SCN4A: variants seen among roughly 807,000 people sequenced by gnomAD.
SCN4A encodes sodium channel protein type 4 subunit alpha.
In SCN4A, 83 loss-of-function variants were observed where a neutral mutation model predicts 162.0. The observed-to-expected ratio is 0.51, with a 90% confidence interval of 0.43 to 0.61. The LOEUF (loss-of-function observed/expected upper bound fraction) is 0.61. Ranked by LOEUF, SCN4A falls within the 20% of genes least tolerant of loss-of-function variation. The pLI is 0.00. For synonymous variants in SCN4A, 944 were observed against 985.1 expected (o/e 0.96, Z 0.78); for missense variants, 2,196 against 2,462.5 (o/e 0.89, Z 2.29).
Position 63,968,242 on chromosome 17 carries a change from T to C in SCN4A, c.817A>G (p.Met273Val). Residue 273 changes from methionine to valine, a missense_variant, in exon 6 of 24, where the codon ATG becomes GTG. Transcript: ENST00000435607. Reference sequence around the variant, plus strand: ...ACACACTTCTGCCTCAGGTTTCCCATGAAGAGCTGCAGTCCTACCAGCGCA... The same window carrying C: ...ACACACTTCTGCCTCAGGTTTCCCACGAAGAGCTGCAGTCCTACCAGCGCA... The part of the protein sequence containing the change: ...VFALVGLQLF[M>V]GNLRQKCVRW... 1 of 1,614,096 alleles carries C rather than the reference T, an allele frequency of 6.2e-7. No homozygotes were observed. Among genetic ancestry groups the C allele is most frequent in the Non-Finnish European group, 8.5e-7 (1 of 1,179,978 alleles).
rs1179393347 is a variant in SCN4A, at chr17:63,950,347, C to T, written c.2854-819G>A. 4.6e-5 allele frequency among the ~76,000 whole-genome samples: 7 copies of T among 152,272 alleles called. No individual in the cohort carries two copies. The East Asian group carries it at 1.4e-3, about 29-fold the overall frequency. On this transcript the variant is annotated intron_variant, in intron 14 of 23. Transcript: ENST00000435607. The surrounding 1 kb of genome is among the most constrained non-coding windows in gnomAD (Gnocchi z 4.6). Reference sequence around the variant, plus strand: ...GCACAGAGTGTTAGGTCAGCCAGGGCATCCACTGAGTTGCTTGCCCCGATT... The same window carrying T: ...GCACAGAGTGTTAGGTCAGCCAGGGTATCCACTGAGTTGCTTGCCCCGATT...
chr17:63,942,957 T>C lies in SCN4A; in HGVS notation c.4157A>G (p.Tyr1386Cys), dbSNP rs1410081722. 6.2e-7 allele frequency: 1 copy of C among 1,613,992 alleles called. No homozygotes were observed. The highest frequency in any genetic ancestry group is 8.5e-7 in the Non-Finnish European group (1 of 1,179,858). Residue 1386 changes from tyrosine (Y) to cysteine (C), a missense_variant, in exon 23 of 24, where the codon TAC (tyrosine) becomes TGC (cysteine). Transcript: ENST00000435607. ...GATGATGAAGATCATGTTGATGTTG[T>C]ACAGGATGTCCACCTTGAGCTGGCT... Reference protein sequence around the residue: ...NQSQLKVDILYNINMIFIIIF... With the variant: ...NQSQLKVDILCNINMIFIIIF...
chr17:63,946,572 C>T (rs539525176), intron 18 of SCN4A, among the ~76,000 whole-genome samples: 123 of 151,886 alleles, frequency 8.1e-4, no homozygotes, highest in African/African-American at 2.9e-3. Context: ...TGGCCCCAAC[C>T]GTGACGCCAA....
rs929800145 is a variant in SCN4A at position 63,949,430 on chromosome 17, G to T, written c.2952C>A (p.Asn984Lys). The T allele has an allele frequency of 3.1e-6, 5 of 1,600,632 alleles. No individual in the cohort carries two copies. The highest frequency in any genetic ancestry group is 1.7e-5 in the Admixed American group (1 of 58,106). Reference sequence around the variant, plus strand: ...ACTCCTCAGGCTGCTCCCCCTCGGGGTTCTCCTCTGCCTGCTCCTCAGGGT... The same window carrying T: ...ACTCCTCAGGCTGCTCCCCCTCGGGTTTCTCCTCTGCCTGCTCCTCAGGGT... ...EEDPEEQAEE[N>K]PEGEQPEECF... is the part of the protein sequence containing the mutation. Residue 984 changes from asparagine (N) to lysine (K), a missense_variant, in exon 15 of 24, where the codon AAC (asparagine) becomes AAA (lysine). Coordinates refer to ENST00000435607, the MANE Select transcript of SCN4A (RefSeq NM_000334.4).
intron 23 of SCN4A, among the ~76,000 whole-genome samples, 152 bp from the exon 24 acceptor site, chr17:63,942,145 C>G (rs1214493696): frequency 7.9e-5 from 12 of 152,126 alleles, no homozygotes; most frequent in Non-Finnish European, 1.2e-4. Flanking sequence ...GCTGGGCTCT[C>G]CCACGGGTCT....
chr17:63,961,266 T>C lies in SCN4A; in HGVS notation c.1772A>G (p.Asn591Ser). 1.2e-6 allele frequency: 2 copies of C among 1,608,582 alleles called. No homozygotes were observed. Among genetic ancestry groups the C allele is most frequent in the Non-Finnish European group, 1.7e-6 (2 of 1,177,744 alleles). ...ATGTTCCATGGCCATGAAGAGGGTG[T>C]TGAGCACGATGCAGATGGTGATGCC... ...DLGITICIVL[N>S]TLFMAMEHYP... Residue 591 changes from asparagine to serine, a missense_variant, in exon 11 of 24, where the codon AAC becomes AGC. Asn to Ser is a conservative substitution (Grantham distance 46). Transcript: ENST00000435607.
chr17:63,971,973 C>T lies in SCN4A; in HGVS notation c.483-123G>A, dbSNP rs143568820. The T allele has an allele frequency of 3.8e-4, 450 of 1,196,746 alleles. No homozygotes were observed. The African/African-American group carries it at 6.0e-3, about 16-fold the overall frequency. The allele number at this position is 1,196,746 out of a possible 1,614,324, so 74.1% of individuals were successfully genotyped here. On this transcript the variant is annotated intron_variant, in intron 3 of 23. Transcript: ENST00000435607. Reference sequence around the variant, plus strand: ...TATGCCACTCAGGTGGCTAAGGACACTAGCGAGTGATAGCATGGCCACCCC... The same window carrying T: ...TATGCCACTCAGGTGGCTAAGGACATTAGCGAGTGATAGCATGGCCACCCC...
At chr17:63,959,811 A>T (rs1030134923) in intron 11 of SCN4A, among the ~76,000 whole-genome samples, 72 of 152,186 alleles carry the variant, frequency 4.7e-4, no homozygotes, top group African/African-American at 1.7e-3. Flanking sequence ...GTTGGGAGGG[A>T]TTCTCACATG....
At chr17:63,952,754 C>G (rs981664136) in intron 13 of SCN4A, among the ~76,000 whole-genome samples, 1 of 151,978 alleles carries the variant, frequency 6.6e-6, no homozygotes, top group Non-Finnish European at 1.5e-5. Flanking sequence ...TACTGCTGCT[C>G]CCCCCCAGCA....
At position 63,941,794 on chromosome 17, in the gene SCN4A, G is replaced by T; in HGVS notation, c.4488C>A (p.Tyr1496Ter). 1.2e-6 allele frequency: 2 copies of T among 1,614,216 alleles called. No homozygotes were observed. The highest frequency in any genetic ancestry group is 2.2e-5 in the South Asian group (2 of 91,088). The change falls in exon 24 of 24, where the codon TAC becomes TAA. Residue 1496 changes from tyrosine (Y) to a stop codon, truncating the protein, a stop_gained. Coordinates refer to ENST00000435607, the MANE Select transcript of SCN4A (RefSeq NM_000334.4). LOFTEE classifies it high-confidence loss of function. The surrounding 1 kb of genome is among the most constrained non-coding windows in gnomAD (Gnocchi z 6.2). ...GLLLFLVMFI[Y>*]SIFGMSNFAY... is the part of the protein sequence containing the mutation. The stretch of plus-strand genomic sequence containing the variant: ...CAAAGTTGGACATGCCGAAGATGGA[G>T]TAGATGAACATGACCAGGAAGAGGA...
At position 63,942,063 on chromosome 17, in the gene SCN4A, G is replaced by A. The variant is rs148868349; in HGVS notation, c.4289-70C>T. Reference sequence around the variant, plus strand: ...CCGGCACAGGGTGTGGGGAGCATGCGGGGCTCAGGGGGCCCGGCCTGGTGT... The same window carrying A: ...CCGGCACAGGGTGTGGGGAGCATGCAGGGCTCAGGGGGCCCGGCCTGGTGT... On this transcript the variant is annotated intron_variant, in intron 23 of 23. Transcript: ENST00000435607. 958 of 1,395,366 alleles carry A rather than the reference G, an allele frequency of 6.9e-4. 4 individuals carry two copies. The African/African-American group carries it at 0.012, about 17-fold the overall frequency. 86.4% of individuals were successfully genotyped at this position (1,395,366 alleles called of 1,614,324 possible).
In SCN4A at chr17:63,963,638, T is replaced by C. The variant is rs752646077; in HGVS notation, c.1606+34A>G. On this transcript the variant is annotated intron_variant, in intron 10 of 23. Transcript: ENST00000435607. ...ATCCAGTCCAGCCAGGCTCCACCCC[T>C]ACCTAAGTGGGCACGGGGGCACAAG... 9.9e-6 allele frequency: 15 copies of C among 1,513,636 alleles called. No homozygotes were observed. The South Asian group carries it at 1.4e-4, about 15-fold the overall frequency. The allele number at this position is 1,513,636 out of a possible 1,614,324, so 93.8% of individuals were successfully genotyped here. A position where few individuals can be genotyped will look rare whatever the true frequency, so the allele number is the denominator to read the frequency against.
rs1908661867 is a variant in SCN4A at position 63,944,863 on chromosome 17, G to GC, written c.3775-54dup. The GC allele has an allele frequency of 1.9e-6, 3 of 1,603,010 alleles. No homozygotes were observed. The highest frequency in any genetic ancestry group is 1.3e-5 in the African/African-American group (1 of 74,670). ...TGGGTTTGCACGCTGGCTTCTCCCT[G>GC]CCCCCCACAGCCCTGAGGGCAGGAC... On this transcript the variant is annotated intron_variant, in intron 20 of 23. Coordinates refer to ENST00000435607, the MANE Select transcript of SCN4A (RefSeq NM_000334.4). This position sits in a 1 kb window ranked among gnomAD's most constrained non-coding sequence, Gnocchi z 4.3.
rs79893125 is a variant in SCN4A at position 63,951,646 on chromosome 17, A to G, written c.2631T>C (p.Asp877=). ...CCTCCTCGGGCGGCTCCTTCTTCTC[A>G]TCCTCGGGGGCAGTCTCCCCCGCCT... ...AGEAGETAPE[D]EKKEPPEEDL... is the part of the protein sequence containing the mutation. Residue 877 remains aspartate (D), a synonymous_variant, in exon 14 of 24, where the codon GAT becomes GAC. Transcript: ENST00000435607. This position sits in a 1 kb window ranked among gnomAD's most constrained non-coding sequence, Gnocchi z 4.5. The G allele has an allele frequency of 0.03, 47,845 of 1,603,246 alleles. 3,096 individuals carry two copies. The highest frequency in any genetic ancestry group is 0.27 in the African/African-American group (20,110 of 74,674).
At chr17:63,963,580 C>T (rs1012123464) in intron 10 of SCN4A, 92 bp downstream of exon 10, 2 of 1,360,254 alleles carry the variant, frequency 1.5e-6, no homozygotes, top group South Asian at 3.2e-5. Context: ...GGGCACAGGG[C>T]ACTCACCTTC....
Position 63,947,299 on chromosome 17 carries a change from T to C in SCN4A, c.3319-132A>G, listed in dbSNP as rs533006849. On this transcript the variant is annotated intron_variant, in intron 17 of 23. Coordinates refer to ENST00000435607, the MANE Select transcript of SCN4A (RefSeq NM_000334.4). ...AGATCCCCTCCCTAGTGGGTGGTCC[T>C]GTCCGGTGGGAAGAGCAGCCCTGGG... The C allele has an allele frequency of 2.0e-4, 233 of 1,154,106 alleles. 1 individual carries two copies. The African/African-American group carries it at 3.0e-3, about 15-fold the overall frequency. 71.5% of individuals were successfully genotyped at this position (1,154,106 alleles called of 1,614,324 possible).
Position 63,944,546 on chromosome 17 carries a change from C to T in SCN4A, c.3912+127G>A. ...CTGGTGGGACTGGGACCCAAGCTAGCTGCCTGAACCAACAACCTGGTAGGT... is the reference window on the plus strand; with the variant it reads ...CTGGTGGGACTGGGACCCAAGCTAGTTGCCTGAACCAACAACCTGGTAGGT... On this transcript the variant is annotated intron_variant, in intron 21 of 23. Coordinates refer to ENST00000435607, the MANE Select transcript of SCN4A (RefSeq NM_000334.4). The surrounding 1 kb of genome is among the most constrained non-coding windows in gnomAD (Gnocchi z 4.3). The T allele has an allele frequency of 9.5e-7, 1 of 1,056,698 alleles. No homozygotes were observed. Among genetic ancestry groups the T allele is most frequent in the Non-Finnish European group, 1.4e-6 (1 of 738,174 alleles). The allele number at this position is 1,056,698 out of a possible 1,614,324, so 65.5% of individuals were successfully genotyped here.
At chr17:63,942,066 G>T in intron 23 of SCN4A, 73 bp from the exon 24 acceptor site, 1 of 1,405,208 alleles carries the variant, frequency 7.1e-7, no homozygotes, top group Non-Finnish European at 9.5e-7. Flanking sequence ...AGCATGCGGG[G>T]CTCAGGGGGC....
rs143639911 is a variant in SCN4A, at chr17:63,940,882, G to A, written c.5400C>T (p.Asp1800=). ...GCATCAGCCCCATAGTGGGTCCGGC[G>A]TCCCCTGCCTCGCCCTTCTCCTCCG... is the stretch of plus-strand genomic sequence containing the variant. ...PSPEEKGEAG[D]AGPTMGLMPI... Residue 1800 remains aspartate, a synonymous_variant, in exon 24 of 24, where the codon GAC becomes GAT. Transcript: ENST00000435607. The A allele has an allele frequency of 1.1e-5, 17 of 1,613,826 alleles. No individual in the cohort carries two copies. Among genetic ancestry groups the A allele is most frequent in the African/African-American group, 2.7e-5 (2 of 75,064 alleles).
Sources: gnomAD v4.1 joint callset for allele counts (sites outside exome capture counted in the v4.1 genomes callset) on GRCh38, gnomAD v4.1.1 for gene constraint, Gnocchi (gnomAD v3.1) non-coding constraint, MANE v1.5 for transcripts, NCBI Gene and HGNC (gene_info 2026-07-23, HGNC 2026-07-21) for gene names.